BUD13: variants seen among roughly 807,000 people sequenced by gnomAD.
BUD13 encodes BUD13 homolog.
In BUD13, 47 loss-of-function variants were observed where a neutral mutation model predicts 62.5. The observed-to-expected ratio is 0.75, with a 90% confidence interval of 0.60 to 0.96. BUD13 has a LOEUF of 0.96. Among genes scored for constraint, BUD13 ranks in the 40% least tolerant of loss-of-function variants. BUD13 has a pLI of 0.00. For missense variants in BUD13, 821 were observed against 790.9 expected (o/e 1.04, Z -0.46); for synonymous variants, 293 against 280.1 (o/e 1.05, Z -0.46).
intron 8 of BUD13, among the ~76,000 whole-genome samples, chr11:116,757,555 C>T (rs73588403): frequency 0.11 from 17,414 of 152,020 alleles, 1,361 homozygotes; most frequent in African/African-American, 0.22. Flanking sequence ...CCACCTCGGC[C>T]TCCCGAAGTG....
chr11:116,757,007 C>T (rs1940337734), intron 9 of BUD13, 139 bp downstream of exon 9: 3 of 717,292 alleles, frequency 4.2e-6, no homozygotes, highest in African/African-American at 1.8e-5. Context: ...GATTTGTGGA[C>T]CTCAGAAAAA....
intron 6 of BUD13, among the ~76,000 whole-genome samples, 176 bp from the exon 7 acceptor site, chr11:116,758,583 C>CTTTT (rs397687372): frequency 3.9e-4 from 46 of 116,622 alleles, no homozygotes; most frequent in African/African-American, 1.1e-3. Context: ...TGGCATTTTC[C>CTTTT]TTTTTTTTTT....
chr11:116,770,737 G>A (rs955409860), intron 1 of BUD13, among the ~76,000 whole-genome samples: 6 of 151,796 alleles, frequency 4.0e-5, no homozygotes, highest in East Asian at 1.9e-4. Flanking sequence ...CTCGTGATCC[G>A]CCCGCCTTGG....
chr11:116,770,996 T>A (rs1029574138), intron 1 of BUD13, among the ~76,000 whole-genome samples: 2 of 151,738 alleles, frequency 1.3e-5, no homozygotes, highest in Non-Finnish European at 2.9e-5. Context: ...GGTTTCACCA[T>A]GTTGCCCAGA....
intron 9 of BUD13, among the ~76,000 whole-genome samples, chr11:116,752,873 T>C (rs774726992): frequency 2.6e-5 from 4 of 152,142 alleles, no homozygotes; most frequent in Non-Finnish European, 5.9e-5. Context: ...TCAAGCGATC[T>C]TCCTGCCTCA....
intron 6 of BUD13, 63 bp from the exon 7 acceptor site, chr11:116,758,470 A>C: frequency 6.4e-7 from 1 of 1,564,892 alleles, no homozygotes; most frequent in Non-Finnish European, 8.7e-7. Context: ...CTAAGAGATC[A>C]AATCAACCGC....
intron 9 of BUD13, among the ~76,000 whole-genome samples, chr11:116,752,915 GCCA>G (rs1940262847): frequency 6.6e-6 from 1 of 152,088 alleles, no homozygotes; most frequent in Non-Finnish European, 1.5e-5. Context: ...ACAGACACAC[GCCA>G]CCACACCTGG....
In BUD13 at chr11:116,760,809, T is replaced by C; in HGVS notation, c.1180A>G (p.Arg394Gly). The change falls in exon 5 of 10, where the codon AGG becomes GGG. Residue 394 changes from arginine (R) to glycine (G), a missense_variant. By Grantham distance (125) the Arg-to-Gly change is moderately radical. Coordinates refer to ENST00000260210, the MANE Select transcript of BUD13 (RefSeq NM_032725.4). ...RSSDSDLSPPRRRQRTKSSDS... is the reference protein window; with the variant it reads ...RSSDSDLSPPGRRQRTKSSDS... ...GAAGATTTGGTCCTCTGTCTCCTCCTTGGTGGAGAGAGGTCAGAATCAGAG... is the reference window on the plus strand; with the variant it reads ...GAAGATTTGGTCCTCTGTCTCCTCCCTGGTGGAGAGAGGTCAGAATCAGAG... 1 of 1,614,130 alleles carries C rather than the reference T, an allele frequency of 6.2e-7. No homozygotes were observed. The highest frequency in any genetic ancestry group is 8.5e-7 in the Non-Finnish European group (1 of 1,180,006).
At position 116,762,605 on chromosome 11, in the gene BUD13, T is replaced by G; in HGVS notation, c.984A>C (p.Arg328=). The change falls in exon 4 of 10, where the codon CGA becomes CGC. Residue 328 remains arginine, a synonymous_variant. Transcript: ENST00000260210. ...YEYDPDISPP[R]KKQAKSHFGD... is the part of the protein sequence containing the mutation. Reference sequence around the variant, plus strand: ...CAAAATGGGATTTTGCTTGCTTTTTTCGTGGAGGAGAGATGTCAGGGTCAT... The same window carrying G: ...CAAAATGGGATTTTGCTTGCTTTTTGCGTGGAGGAGAGATGTCAGGGTCAT... The G allele has an allele frequency of 6.2e-7, 1 of 1,613,290 alleles. No homozygotes were observed. Among genetic ancestry groups the G allele is most frequent in the East Asian group, 2.2e-5 (1 of 44,870 alleles).
At chr11:116,759,537 T>G (rs1265275904) in intron 5 of BUD13, among the ~76,000 whole-genome samples, 1 of 152,160 alleles carries the variant, frequency 6.6e-6, no homozygotes, top group African/African-American at 2.4e-5. Flanking sequence ...TGATAAAATA[T>G]TCCATTTACA....
At chr11:116,758,926 G>A (rs1940381641) in intron 6 of BUD13, 148 bp downstream of exon 6, 3 of 639,222 alleles carry the variant, frequency 4.7e-6, no homozygotes, top group Non-Finnish European at 8.2e-6. Context: ...AGAAGCACTG[G>A]GATTCACTGA....
intron 2 of BUD13, among the ~76,000 whole-genome samples, chr11:116,769,878 C>A: frequency 6.6e-6 from 1 of 151,844 alleles, no homozygotes; most frequent in East Asian, 1.9e-4. Context: ...ATGGTGAAAC[C>A]CCATTTCTAC....
chr11:116,772,252 A>G (rs983605801), intron 1 of BUD13, among the ~76,000 whole-genome samples: 1 of 152,238 alleles, frequency 6.6e-6, no homozygotes, highest in African/African-American at 2.4e-5. Flanking sequence ...AAGTTGTCCC[A>G]TATGAAAATA....
Position 116,763,242 on chromosome 11 carries a change from T to C in BUD13, c.347A>G (p.Asn116Ser). The C allele has an allele frequency of 6.5e-7, 1 of 1,543,800 alleles. No individual in the cohort carries two copies. The highest frequency in any genetic ancestry group is 8.7e-7 in the Non-Finnish European group (1 of 1,145,616). The stretch of plus-strand genomic sequence containing the variant: ...CGGGGTATCGTGACGAAAATGTCTG[T>C]TTGAGGGTAGGTCTTCGTTGTGGCC... ...LGGHNEDLPS[N>S]RHFRHDTPDS... The change falls in exon 4 of 10, where the codon AAC becomes AGC. Residue 116 changes from asparagine (N) to serine (S), a missense_variant. Physicochemically the swap from Asn to Ser is conservative, Grantham distance 46. This residue lies in a region of BUD13 where 800 missense variants were observed against 739.2 expected (regional missense o/e 1.08). Coordinates refer to ENST00000260210, the MANE Select transcript of BUD13 (RefSeq NM_032725.4).
intron 1 of BUD13, 66 bp downstream of exon 1, chr11:116,772,756 C>T: frequency 1.4e-6 from 2 of 1,435,040 alleles, no homozygotes; most frequent in Non-Finnish European, 1.8e-6. Flanking sequence ...TGCCGGGCGG[C>T]CGAGGGCGGA....
rs1467808735 is a variant in BUD13 at position 116,763,071 on chromosome 11, T to C, written c.518A>G (p.Asp173Gly). 3 of 1,609,220 alleles carry C rather than the reference T, an allele frequency of 1.9e-6. No homozygotes were observed. The Admixed American group carries it at 5.0e-5, about 27-fold the overall frequency. Reference protein sequence around the residue: ...SPLRGARHDSDTSPPRRIRHD... With the variant: ...SPLRGARHDSGTSPPRRIRHD... Reference sequence around the variant, plus strand: ...ACGGATCCTCCTGGGAGGAGATGTGTCTGAGTCATGACGAGCCCCTCTGAG... The same window carrying C: ...ACGGATCCTCCTGGGAGGAGATGTGCCTGAGTCATGACGAGCCCCTCTGAG... Residue 173 changes from aspartate (D) to glycine (G), a missense_variant, in exon 4 of 10, where the codon GAC (aspartate) becomes GGC (glycine). By Grantham distance (94) the Asp-to-Gly change is moderately conservative. Coordinates refer to ENST00000260210, the MANE Select transcript of BUD13 (RefSeq NM_032725.4).
chr11:116,758,061 G>A, intron 7 of BUD13, 111 bp from the exon 8 acceptor site: 1 of 1,442,356 alleles, frequency 6.9e-7, no homozygotes, highest in Non-Finnish European at 9.4e-7. Flanking sequence ...AGTACCCTAG[G>A]GCAAATACTG....
chr11:116,761,692 A>G (rs1940434610), intron 4 of BUD13, among the ~76,000 whole-genome samples: 1 of 152,214 alleles, frequency 6.6e-6, no homozygotes, highest in Non-Finnish European at 1.5e-5. Flanking sequence ...CTTGGACTAA[A>G]GGATAACAAA....
intron 9 of BUD13, among the ~76,000 whole-genome samples, chr11:116,756,704 T>C (rs954112443): frequency 1.3e-5 from 2 of 152,232 alleles, no homozygotes; most frequent in Admixed American, 6.5e-5. Context: ...CAGATGTTGG[T>C]AGGTAGACAG....
Sources: gnomAD v4.1 joint callset for allele counts (sites outside exome capture counted in the v4.1 genomes callset) on GRCh38, gnomAD v4.1.1 for gene constraint, gnomAD v4.1.1 regional missense constraint, MANE v1.5 for transcripts, NCBI Gene and HGNC (gene_info 2026-07-23, HGNC 2026-07-21) for gene names.